Variants in POMT2 observed in about 807,000 individuals in gnomAD.
POMT2 encodes the protein protein O-mannosyl-transferase 2.
Under a neutral mutation model 100.0 loss-of-function variants are expected in POMT2, and 75 were observed. The observed-to-expected ratio is 0.75, with a 90% CI of 0.62 to 0.91. The LOEUF (loss-of-function observed/expected upper bound fraction) is 0.91. Among genes scored for constraint, POMT2 ranks in the 40% least tolerant of loss-of-function variants. The probability of loss-of-function intolerance (pLI) is 0.00; values close to 1 mark genes in which losing one functional copy is unlikely to be tolerated. For missense variants in POMT2, 940 were observed against 955.1 expected, an observed-to-expected ratio of 0.98 and a Z score of 0.21; for synonymous variants, 378 against 374.1, an observed-to-expected ratio of 1.01 and a Z score of -0.12.
intron 18 of POMT2, 78 bp from the exon 19 acceptor site, chr14:77,278,947 TCCTTGCTGTGTGA>T (rs1432906605): frequency 6.6e-7 from 1 of 1,516,366 alleles, no homozygotes; most frequent in Non-Finnish European, 9.0e-7. Context: ...CTCTGCCCCT[TCCTTGCTGTGTGA>T]CCTTGAATAT....
chr14:77,286,699 G>A lies in POMT2; in HGVS notation c.1332+45C>T, dbSNP rs9630404. On this transcript the variant is annotated intron_variant, in intron 12 of 20. Transcript: ENST00000261534. ...TCCCACCACACAGCCCTGAGCCAAGGCCCATAACTTTTACGTCCTACTCAC... is the reference window on the plus strand; with the variant it reads ...TCCCACCACACAGCCCTGAGCCAAGACCCATAACTTTTACGTCCTACTCAC... The A allele has an allele frequency of 2.4e-4, 381 of 1,612,372 alleles. 1 individual carries two copies. In the African/African-American group the frequency reaches 4.7e-3, roughly 20 times the overall value.
chr14:77,300,964 C>T, intron 6 of POMT2, 126 bp downstream of exon 6: 6 of 1,595,270 alleles, frequency 3.8e-6, no homozygotes, highest in Non-Finnish European at 5.1e-6. Flanking sequence ...TTGGGGGGTC[C>T]AGCCCACCTG....
chr14:77,300,959 G>A lies in POMT2; in HGVS notation c.816+131C>T, dbSNP rs2139479684. On this transcript the variant is annotated intron_variant, in intron 6 of 20. Transcript: ENST00000261534. ...TGTCCTGCTGTCTGCGGAGGTTGGG[G>A]GGTCCAGCCCACCTGGGACCCAGAA... The A allele has an allele frequency of 4.4e-6, 7 of 1,580,532 alleles. No homozygotes were observed. In the East Asian group the frequency reaches 1.3e-4, roughly 30 times the overall value.
intron 11 of POMT2, chr14:77,287,971 G>A (rs1214287492): frequency 6.6e-6 from 1 of 152,218 alleles, no homozygotes; most frequent in African/African-American, 2.4e-5. Context: ...CACTTAGCTG[G>A]GTCCTAAAGT....
chr14:77,296,278 GAGGA>G lies in POMT2; in HGVS notation c.1007-9_1007-6del, dbSNP rs780860676. On this transcript the variant is annotated splice_region_variant and splice_polypyrimidine_tract_variant and intron_variant, in intron 8 of 20. Coordinates refer to ENST00000261534, the MANE Select transcript of POMT2 (RefSeq NM_013382.7). ...TCACAGAGCCGTAGGCCAGGTCTGGGAGGAAGGGAGACAGCAGAGGGGTGAGCTG... is the reference window on the plus strand; with the variant it reads ...TCACAGAGCCGTAGGCCAGGTCTGGGAGGGAGACAGCAGAGGGGTGAGCTG... 1 of 1,587,652 alleles carries G rather than the reference GAGGA, an allele frequency of 6.3e-7. No individual in the cohort carries two copies. Among genetic ancestry groups the G allele is most frequent in the South Asian group, 1.1e-5 (1 of 87,174 alleles).
chr14:77,295,534 A>G (rs1166317960), intron 9 of POMT2, among the ~76,000 whole-genome samples: 1 of 150,262 alleles, frequency 6.7e-6, no homozygotes, highest in Non-Finnish European at 1.5e-5. Context: ...CGGGAGGCTG[A>G]GGCAGGAGAA....
At chr14:77,315,563 T>G (rs1327897890) in intron 1 of POMT2, among the ~76,000 whole-genome samples, 1 of 152,230 alleles carries the variant, frequency 6.6e-6, no homozygotes, top group African/African-American at 2.4e-5. Flanking sequence ...CTTCCAGTGC[T>G]GAATGTATAG....
chr14:77,294,744 C>A (rs2363639), intron 9 of POMT2, among the ~76,000 whole-genome samples: 3,859 of 152,316 alleles, frequency 0.025, 170 homozygotes, highest in African/African-American at 0.088. Context: ...CCATGTGGAA[C>A]TTTAAGTCCA....
intron 9 of POMT2, among the ~76,000 whole-genome samples, chr14:77,294,366 G>C (rs1480134641): frequency 6.6e-6 from 1 of 152,058 alleles, no homozygotes; most frequent in East Asian, 1.9e-4. Context: ...CTTTTGCCTG[G>C]GCTGGAGTAC....
In POMT2 at chr14:77,320,783, A is replaced by G; in HGVS notation, c.-102T>C. 6.7e-7 allele frequency: 1 copy of G among 1,484,782 alleles called. No homozygotes were observed. The highest frequency in any genetic ancestry group is 1.4e-5 in the African/African-American group (1 of 69,188). 92.0% of individuals were successfully genotyped at this position (1,484,782 alleles called of 1,614,324 possible). ...GAGGGCAGCTCGGGGTACCCCGGGA[A>G]ATGCAACGCCCTTCACTGCAGCGGA... On this transcript the variant is annotated 5_prime_UTR_variant, in exon 1 of 21. Transcript: ENST00000261534.
intron 7 of POMT2, 151 bp downstream of exon 7, chr14:77,299,303 GA>G (rs1755061291): frequency 1.4e-6 from 1 of 725,486 alleles, no homozygotes; most frequent in Non-Finnish European, 2.4e-6. Context: ...ATACCCAAAG[GA>G]TAGAACATAG....
At chr14:77,291,186 A>C (rs1890626557) in intron 10 of POMT2, 128 bp downstream of exon 10, 1 of 830,352 alleles carries the variant, frequency 1.2e-6, no homozygotes, top group East Asian at 2.9e-5. Flanking sequence ...GATAATTGAG[A>C]TAAGTAAAGG....
Position 77,279,930 on chromosome 14 carries a change from T to A in POMT2, c.1786-2A>T. ...CAACAGATTCAGCCACCAAACCACC[T>A]GTGCAGAAATGGGAATGGGCAGATG... is the stretch of plus-strand genomic sequence containing the variant. On this transcript the variant is annotated splice_acceptor_variant, in intron 17 of 20. Transcript: ENST00000261534. LOFTEE classifies it high-confidence loss of function. 1 of 1,614,164 alleles carries A rather than the reference T, an allele frequency of 6.2e-7. No homozygotes were observed. The highest frequency in any genetic ancestry group is 8.5e-7 in the Non-Finnish European group (1 of 1,180,016).
intron 2 of POMT2, among the ~76,000 whole-genome samples, chr14:77,310,535 G>C (rs1379523446): frequency 6.6e-6 from 1 of 152,084 alleles, no homozygotes; most frequent in East Asian, 1.9e-4. Context: ...TTTTGAAATA[G>C]GCTACCTGTT....
rs144516371 is a variant in POMT2, at chr14:77,301,982, C to T, written c.657-733G>A. 2.4e-3 allele frequency among the ~76,000 whole-genome samples: 362 copies of T among 152,286 alleles called. 1 individual carries two copies. The highest frequency in any genetic ancestry group is 8.1e-3 in the African/African-American group (335 of 41,548). On this transcript the variant is annotated intron_variant, in intron 5 of 20. Coordinates refer to ENST00000261534, the MANE Select transcript of POMT2 (RefSeq NM_013382.7). ...CAACAGAGCTCAGTACCTCCAGCTC[C>T]CCGCATAGTACCTGGTACACAGTAT...
At chr14:77,304,341 T>C (rs1891152042) in intron 4 of POMT2, among the ~76,000 whole-genome samples, 1 of 152,150 alleles carries the variant, frequency 6.6e-6, no homozygotes, top group African/African-American at 2.4e-5. Context: ...TAATCTTAAC[T>C]TAAGAGAAGC....
chr14:77,280,212 G>A, intron 16 of POMT2, 132 bp from the exon 17 acceptor site: 7 of 1,570,294 alleles, frequency 4.5e-6, no homozygotes, highest in Non-Finnish European at 5.2e-6. Context: ...AATTCTACAC[G>A]AGCTCTCTGG....
chr14:77,304,873 C>A, intron 3 of POMT2, 73 bp from the exon 4 acceptor site: 2 of 1,542,360 alleles, frequency 1.3e-6, no homozygotes, highest in Non-Finnish European at 1.8e-6. Flanking sequence ...TCAGTACAAC[C>A]TAACATTTAA....
At chr14:77,308,896 C>T (rs1891336033) in intron 2 of POMT2, 1 of 342,324 alleles carries the variant, frequency 2.9e-6, no homozygotes, top group Non-Finnish European at 5.6e-6. Context: ...ACTGCAATAT[C>T]TTTTGTAATG....
Sources: allele counts gnomAD v4.1 joint callset (sites outside exome capture counted in the v4.1 genomes callset), GRCh38; gene constraint gnomAD v4.1.1; transcripts MANE v1.5; gene names NCBI Gene and HGNC (gene_info 2026-07-23, HGNC 2026-07-21).